Variants in ADGRD1 observed in about 807,000 individuals in gnomAD.
The protein encoded by ADGRD1 is G-protein coupled receptor 133.
Under a neutral mutation model 113.4 loss-of-function variants are expected in ADGRD1, and 77 were observed. The ratio of observed to expected loss-of-function variants is 0.68; its 90% confidence interval spans 0.57 to 0.82. ADGRD1 has a LOEUF of 0.82. ADGRD1 is among the 40% of genes least tolerant of loss of function. ADGRD1 has a pLI of 0.00. For synonymous variants in ADGRD1, 474 were observed against 475.0 expected (o/e 1.00, Z 0.03); for missense variants, 1,036 against 1,139.1 (o/e 0.91, Z 1.30).
chr12:131,139,310 C>CA lies in ADGRD1; in HGVS notation c.*47_*48insA. 7.6e-7 allele frequency: 1 copy of CA among 1,311,880 alleles called. No individual in the cohort carries two copies. The highest frequency in any genetic ancestry group is 1.1e-6 in the Non-Finnish European group (1 of 922,940). The allele number at this position is 1,311,880 out of a possible 1,614,324, so 81.3% of individuals were successfully genotyped here. On this transcript the variant is annotated 3_prime_UTR_variant, in exon 25 of 25. Transcript: ENST00000261654. ...CCAGGCTGCGCTCAGAACACACCCC[C>CA]CCAAACAGAATGAAATGCCCCACCT...
rs184852740 is a variant in ADGRD1, at chr12:130,980,062, C to T, written c.311-1822C>T. ...GTGGGTGTGAGTGCAGAACAGCGGT[C>T]GGGGTGGGTGCGGGGCATGCTCAGG... On this transcript the variant is annotated intron_variant, in intron 4 of 24. Transcript: ENST00000261654. 7.7e-4 allele frequency among the ~76,000 whole-genome samples: 116 copies of T among 150,856 alleles called. No individual in the cohort carries two copies. The East Asian group carries it at 0.014, about 18-fold the overall frequency.
At chr12:131,045,436 G>A (rs1481994581) in intron 13 of ADGRD1, among the ~76,000 whole-genome samples, 1 of 152,178 alleles carries the variant, frequency 6.6e-6, no homozygotes, top group Non-Finnish European at 1.5e-5. Flanking sequence ...GGGGCTCCAG[G>A]AGGAGAAGAG....
intron 13 of ADGRD1, among the ~76,000 whole-genome samples, chr12:131,055,868 T>C (rs1883824039): frequency 6.6e-6 from 1 of 152,170 alleles, no homozygotes; most frequent in African/African-American, 2.4e-5. Context: ...TCATCTTTCA[T>C]GGAAAATAAC....
chr12:131,138,607 C>G (rs1009762090), intron 24 of ADGRD1, among the ~76,000 whole-genome samples: 1 of 152,180 alleles, frequency 6.6e-6, no homozygotes, highest in Non-Finnish European at 1.5e-5. Context: ...TGCTTCCCCC[C>G]TGCTGGAGCC....
At chr12:131,016,908 C>T (rs1362757201) in intron 13 of ADGRD1, among the ~76,000 whole-genome samples, 2 of 141,194 alleles carry the variant, frequency 1.4e-5, no homozygotes, top group African/African-American at 5.2e-5. Context: ...AAAAAAAAGT[C>T]TGTAAAGGCA....
chr12:131,011,941 G>C (rs1214863085), intron 12 of ADGRD1, among the ~76,000 whole-genome samples: 1 of 152,180 alleles, frequency 6.6e-6, no homozygotes. Flanking sequence ...GTCAGGCTGG[G>C]CGCCGCGGGG....
At chr12:131,116,711 T>C (rs1300847318) in intron 18 of ADGRD1, among the ~76,000 whole-genome samples, 2 of 152,174 alleles carry the variant, frequency 1.3e-5, no homozygotes, top group Non-Finnish European at 2.9e-5. Flanking sequence ...AGGAGCTGTG[T>C]CTCTTGAGCA....
intron 13 of ADGRD1, among the ~76,000 whole-genome samples, chr12:131,054,330 C>T (rs1250199067): frequency 1.3e-5 from 2 of 152,208 alleles, no homozygotes; most frequent in East Asian, 1.9e-4. Flanking sequence ...AATACTTGTT[C>T]TTTCGCCATA....
chr12:130,983,971 G>A (rs377628609), intron 5 of ADGRD1, among the ~76,000 whole-genome samples: 5 of 152,290 alleles, frequency 3.3e-5, no homozygotes, highest in Admixed American at 2.6e-4. Context: ...CCAGAGAGAA[G>A]AGTAACACAA....
At position 131,131,700 on chromosome 12, in the gene ADGRD1, C is replaced by T. The variant is rs370817898; in HGVS notation, c.2176-25C>T. On this transcript the variant is annotated intron_variant, in intron 20 of 24. Coordinates refer to ENST00000261654, the MANE Select transcript of ADGRD1 (RefSeq NM_198827.5). ...GCAGGTGCAGCCCAGGCCCCCCTCA[C>T]CTTCCTCCATGGTTTCTTGTGCAGG... The T allele has an allele frequency of 5.8e-6, 9 of 1,556,666 alleles. No homozygotes were observed. The African/African-American group carries it at 8.2e-5, about 14-fold the overall frequency.
chr12:131,105,061 G>A (rs974267840), intron 16 of ADGRD1, 127 bp downstream of exon 16: 21 of 685,892 alleles, frequency 3.1e-5, no homozygotes, highest in Non-Finnish European at 4.5e-5. Flanking sequence ...AGCTGGAAAG[G>A]TCTGGAAAGG....
intron 13 of ADGRD1, among the ~76,000 whole-genome samples, chr12:131,029,578 A>G (rs185491377): frequency 2.4e-3 from 326 of 137,824 alleles, no homozygotes; most frequent in African/African-American, 8.7e-3. Context: ...TAGGTTGTGG[A>G]CCCCTCATGT....
chr12:130,989,829 C>T (rs1874148388), intron 6 of ADGRD1: 1 of 152,338 alleles, frequency 6.6e-6, no homozygotes, highest in South Asian at 2.1e-4. Context: ...GTCTGTCACC[C>T]TGGCCAGGTG....
intron 14 of ADGRD1, among the ~76,000 whole-genome samples, chr12:131,079,983 CTT>C (rs1566090516): frequency 6.6e-6 from 1 of 152,082 alleles, no homozygotes; most frequent in Non-Finnish European, 1.5e-5. Context: ...GGCTTATCCT[CTT>C]TGTCTTTAAT....
At chr12:130,958,477 G>T (rs1033011442) in intron 2 of ADGRD1, among the ~76,000 whole-genome samples, 2 of 152,174 alleles carry the variant, frequency 1.3e-5, no homozygotes, top group Non-Finnish European at 1.5e-5. Context: ...TGGGATTACA[G>T]GTGTGAGCCA....
chr12:131,137,237 TGGAGA>T (rs1218189952), intron 23 of ADGRD1: 2 of 599,656 alleles, frequency 3.3e-6, no homozygotes, highest in African/African-American at 3.7e-5. Flanking sequence ...CCTCTCTCCC[TGGAGA>T]ATTGGCGACT....
intron 13 of ADGRD1, among the ~76,000 whole-genome samples, chr12:131,047,046 G>A (rs200639004): frequency 6.7e-6 from 1 of 149,512 alleles, no homozygotes; most frequent in African/African-American, 2.5e-5. Context: ...TGTCCTCCCT[G>A]GTCAGTGTCC....
chr12:130,987,406 G>C, intron 6 of ADGRD1, 57 bp downstream of exon 6: 2 of 1,600,724 alleles, frequency 1.2e-6, no homozygotes, highest in South Asian at 1.1e-5. Context: ...GGTCACCCTG[G>C]TATCGGCCTC....
chr12:130,972,851 A>G (rs1338631610), intron 4 of ADGRD1, among the ~76,000 whole-genome samples: 1 of 152,128 alleles, frequency 6.6e-6, no homozygotes, highest in African/African-American at 2.4e-5. Flanking sequence ...TGCAGGTGCC[A>G]GGGGTTCCAA....
Sources: gnomAD v4.1 joint callset for allele counts (sites outside exome capture counted in the v4.1 genomes callset) on GRCh38, gnomAD v4.1.1 for gene constraint, MANE v1.5 for transcripts, NCBI Gene and HGNC (gene_info 2026-07-23, HGNC 2026-07-21) for gene names.